The following POTEC variants were observed in gnomAD, a reference collection of about 807,000 sequenced individuals.
POTEC encodes the protein POTE ankyrin domain family member C.
A neutral mutation model predicts 62.0 loss-of-function variants in POTEC; 35 were observed. The ratio of observed to expected loss-of-function variants is 0.56; its 90% CI spans 0.43 to 0.75. The LOEUF is 0.75. POTEC is among the 30% of genes least tolerant of loss of function. The pLI is 0.00. For synonymous variants in POTEC, 156 were observed against 221.5 expected (o/e 0.70, Z 2.62); for missense variants, 472 against 655.9 (o/e 0.72, Z 3.06).
intron 9 of POTEC, among the ~76,000 whole-genome samples, chr18:14,515,854 A>T (rs989927822): frequency 1.3e-5 from 2 of 151,890 alleles, no homozygotes; most frequent in East Asian, 3.9e-4. Flanking sequence ...TCCATTAAAA[A>T]GTGGGCACAT....
intron 7 of POTEC, among the ~76,000 whole-genome samples, chr18:14,523,774 G>A (rs952071263): frequency 2.0e-5 from 3 of 152,090 alleles, no homozygotes; most frequent in African/African-American, 7.2e-5. Context: ...GACAAAGGGA[G>A]AATAAAAACA....
chr18:14,540,936 G>T (rs1379410985), intron 1 of POTEC, among the ~76,000 whole-genome samples: 1 of 151,472 alleles, frequency 6.6e-6, no homozygotes, highest in African/African-American at 2.4e-5. Flanking sequence ...CATCACCCAG[G>T]CTGGAGTGTA....
Position 14,543,506 on chromosome 18 carries a change from G to A in POTEC, c.-360C>T, listed in dbSNP as rs1165975880. On this transcript the variant is annotated 5_prime_UTR_variant, in exon 1 of 11. Coordinates refer to ENST00000358970, the MANE Select transcript of POTEC (RefSeq NM_001137671.2). ...ACGCCAATCCAAGCAAGAAACACCA[G>A]GCAAAGCGACTAACGCCAAGCCAAG... 4.7e-6 allele frequency: 2 copies of A among 422,832 alleles called. No individual in the cohort carries two copies. Among genetic ancestry groups the A allele is most frequent in the Non-Finnish European group, 8.6e-6 (2 of 232,954 alleles). The allele number at this position is 422,832 out of a possible 1,614,324, so 26.2% of individuals were successfully genotyped here. A position where few individuals can be genotyped will look rare whatever the true frequency, so the allele number is the denominator to read the frequency against.
At chr18:14,527,722 C>A (rs1193061497) in intron 6 of POTEC, 1 of 151,934 alleles carries the variant, frequency 6.6e-6, no homozygotes, top group Non-Finnish European at 1.5e-5. Flanking sequence ...AACAACCCTT[C>A]CAACTATTAA....
At position 14,542,634 on chromosome 18, in the gene POTEC, C is replaced by T. The variant is rs1161082736; in HGVS notation, c.513G>A (p.Lys171=). ...LRDTDMNKRD[K]QKRTALHLAS... ...ATCCCAGGCCCAGTTACCTCTTTTG[C>T]TTGTCCCTCTTGTTCATGTCCGTGT... The change falls in exon 1 of 11, where the codon AAG becomes AAA. Residue 171 remains lysine (K), a synonymous_variant. Transcript: ENST00000358970. 6 of 1,612,478 alleles carry T rather than the reference C, an allele frequency of 3.7e-6. No individual in the cohort carries two copies. Among genetic ancestry groups the T allele is most frequent in the African/African-American group, 1.3e-5 (1 of 74,926 alleles).
intron 1 of POTEC, among the ~76,000 whole-genome samples, chr18:14,540,676 T>A (rs1356264403): frequency 1.3e-5 from 2 of 152,176 alleles, no homozygotes; most frequent in African/African-American, 2.4e-5. Context: ...GAAAAACAGC[T>A]GTGTCTGTTT....
intron 9 of POTEC, among the ~76,000 whole-genome samples, chr18:14,520,170 A>G (rs964332499): frequency 2.0e-5 from 3 of 152,158 alleles, no homozygotes; most frequent in African/African-American, 4.8e-5. Context: ...GTCATGGAAA[A>G]GTAATAGACA....
At chr18:14,525,026 A>G (rs1910401781) in intron 6 of POTEC, 43 bp from the exon 7 acceptor site, 1 of 1,581,050 alleles carries the variant, frequency 6.3e-7, no homozygotes, top group Non-Finnish European at 8.6e-7. Flanking sequence ...AACCACTTAG[A>G]ACAGTTAAAA....
At chr18:14,537,547 A>T (rs909250946) in intron 3 of POTEC, among the ~76,000 whole-genome samples, 59 of 152,162 alleles carry the variant, frequency 3.9e-4, no homozygotes, top group African/African-American at 1.3e-3. Flanking sequence ...GAAAAAAAAA[A>T]GTATTACCTT....
At chr18:14,514,038 C>T (rs1327003011) in intron 9 of POTEC, among the ~76,000 whole-genome samples, 3 of 150,604 alleles carry the variant, frequency 2.0e-5, no homozygotes, top group Non-Finnish European at 4.5e-5. Flanking sequence ...ACATTACATA[C>T]ATTGTGCACT....
chr18:14,539,910 A>C (rs1439353509), intron 1 of POTEC, among the ~76,000 whole-genome samples: 12 of 152,138 alleles, frequency 7.9e-5, no homozygotes, highest in Non-Finnish European at 1.3e-4. Context: ...TATGCCTGCC[A>C]TATAATAGGT....
chr18:14,533,891 T>C (rs1206827643), intron 4 of POTEC, among the ~76,000 whole-genome samples: 1 of 149,604 alleles, frequency 6.7e-6, no homozygotes, highest in African/African-American at 2.5e-5. Flanking sequence ...TTTTTTTCCA[T>C]GCCCAGCTAG....
chr18:14,537,899 A>C lies in POTEC; in HGVS notation c.712T>G (p.Tyr238Asp). 1 of 1,612,404 alleles carries C rather than the reference A, an allele frequency of 6.2e-7. No homozygotes were observed. Among genetic ancestry groups the C allele is most frequent in the African/African-American group, 1.3e-5 (1 of 74,972 alleles). The change falls in exon 3 of 11, where the codon TAT becomes GAT. Residue 238 changes from tyrosine to aspartate, a missense_variant. By Grantham distance (160) the Tyr-to-Asp change is radical (BLOSUM62 -3). Transcript: ENST00000358970. ...HGADQNIPDE[Y>D]GNTTLHYAVH... is the part of the protein sequence containing the mutation. The stretch of plus-strand genomic sequence containing the variant: ...GCATAGTGTAGAGTGGTATTTCCAT[A>C]CTCATCTGGAATATTTTGATCAGCG...
intron 1 of POTEC, among the ~76,000 whole-genome samples, chr18:14,539,696 A>G (rs1470377007): frequency 2.6e-5 from 4 of 151,600 alleles, no homozygotes; most frequent in African/African-American, 7.3e-5. Context: ...TCTTTACCCA[A>G]GCCTTATACA....
chr18:14,525,892 C>T (rs2143136242), intron 6 of POTEC, among the ~76,000 whole-genome samples: 1 of 152,144 alleles, frequency 6.6e-6, no homozygotes, highest in South Asian at 2.1e-4. Flanking sequence ...AATTTATATT[C>T]ATTTTTCTTT....
At chr18:14,523,286 T>G (rs966029494) in intron 8 of POTEC, among the ~76,000 whole-genome samples, 177 bp downstream of exon 8, 55 of 150,516 alleles carry the variant, frequency 3.7e-4, no homozygotes, top group Admixed American at 2.0e-4. Flanking sequence ...TCTCTAGGGT[T>G]TGTATCTCTT....
At position 14,511,341 on chromosome 18, in the gene POTEC, T is replaced by C. The variant is rs1251644229; in HGVS notation, c.*557A>G. ...AGCTGTGCTATGCCACAGGATCTCT[T>C]CTGCCCCTGGTGGGTTTGTACTCTC... On this transcript the variant is annotated 3_prime_UTR_variant, in exon 11 of 11. Coordinates refer to ENST00000358970, the MANE Select transcript of POTEC (RefSeq NM_001137671.2). 1.3e-5 allele frequency: 3 copies of C among 236,098 alleles called. No individual in the cohort carries two copies. The highest frequency in any genetic ancestry group is 1.0e-4 in the Admixed American group (2 of 19,078). The allele number at this position is 236,098 out of a possible 1,614,324, so 14.6% of individuals were successfully genotyped here.
Position 14,542,571 on chromosome 18 carries a change from G to T in POTEC, c.521+55C>A, listed in dbSNP as rs563123284. The stretch of plus-strand genomic sequence containing the variant: ...GCTCCTCCCTCCCTGCGCCAGGAGG[G>T]TATGTCCCCATCATCCCCCCATGTC... On this transcript the variant is annotated intron_variant, in intron 1 of 10. Transcript: ENST00000358970. The T allele has an allele frequency of 2.1e-4, 338 of 1,610,678 alleles. 3 individuals carry two copies. In the South Asian group the frequency reaches 3.6e-3, roughly 17 times the overall value.
intron 9 of POTEC, among the ~76,000 whole-genome samples, chr18:14,517,218 A>G (rs1221134911): frequency 6.6e-6 from 1 of 152,100 alleles, no homozygotes; most frequent in African/African-American, 2.4e-5. Context: ...AATTGAAGGC[A>G]ACTTTTATAC....
Sources: allele counts gnomAD v4.1 joint callset (sites outside exome capture counted in the v4.1 genomes callset), GRCh38; gene constraint gnomAD v4.1.1; transcripts MANE v1.5; gene names NCBI Gene and HGNC (gene_info 2026-07-23, HGNC 2026-07-21).